DLG2: variants seen among roughly 807,000 people sequenced by gnomAD.
The protein encoded by DLG2 is discs large MAGUK scaffold protein 2.
A neutral mutation model predicts 132.5 loss-of-function variants in DLG2; 45 were observed. The observed-to-expected ratio is 0.34, with a 90% CI of 0.27 to 0.44. The LOEUF (loss-of-function observed/expected upper bound fraction) is 0.44. Ranked by LOEUF, DLG2 falls within the 20% of genes least tolerant of loss-of-function variation. DLG2 has a pLI of 1.00. For missense variants in DLG2, 1,045 were observed against 1,196.9 expected (o/e 0.87, Z 1.87); for synonymous variants, 424 against 419.6 (o/e 1.01, Z -0.13).
intron 26 of DLG2, 141 bp from the exon 27 acceptor site, chr11:83,462,234 CT>C: frequency 1.7e-6 from 1 of 599,890 alleles, no homozygotes; most frequent in South Asian, 2.1e-5. Context: ...CAGGACTCCT[CT>C]GTGCTGGAAT....
intron 9 of DLG2, among the ~76,000 whole-genome samples, chr11:84,105,304 G>C (rs1368156404): frequency 6.6e-6 from 1 of 152,104 alleles, no homozygotes; most frequent in Non-Finnish European, 1.5e-5. Context: ...ACATCTGCAT[G>C]GTATTGGATA....
At chr11:84,219,505 T>A (rs1457665161) in intron 8 of DLG2, among the ~76,000 whole-genome samples, 3 of 152,224 alleles carry the variant, frequency 2.0e-5, no homozygotes, top group Non-Finnish European at 4.4e-5. Flanking sequence ...TTTTTTAGAA[T>A]TAATATACTT....
chr11:84,275,075 T>C (rs2097771424), intron 7 of DLG2, among the ~76,000 whole-genome samples: 1 of 152,200 alleles, frequency 6.6e-6, no homozygotes, highest in South Asian at 2.1e-4. Flanking sequence ...ATCCCAGTCA[T>C]TCCTCTCTGA....
intron 6 of DLG2, among the ~76,000 whole-genome samples, chr11:84,567,689 G>C (rs986636879): frequency 6.6e-6 from 1 of 152,104 alleles, no homozygotes; most frequent in African/African-American, 2.4e-5. Flanking sequence ...CCAACAATTG[G>C]TATCACACAG....
At chr11:83,844,769 T>C (rs1378843095) in intron 16 of DLG2, among the ~76,000 whole-genome samples, 1 of 152,006 alleles carries the variant, frequency 6.6e-6, no homozygotes, top group Non-Finnish European at 1.5e-5. Context: ...CTAACATAAA[T>C]GTGCTGTCCT....
At chr11:84,519,684 A>G (rs2099288438) in intron 7 of DLG2, among the ~76,000 whole-genome samples, 2 of 152,056 alleles carry the variant, frequency 1.3e-5, no homozygotes, top group Non-Finnish European at 2.9e-5. Context: ...GCCTCCTCCT[A>G]TTTTTTCCAA....
At chr11:83,563,727 C>G (rs1481226052) in intron 19 of DLG2, among the ~76,000 whole-genome samples, 1 of 152,022 alleles carries the variant, frequency 6.6e-6, no homozygotes. Flanking sequence ...GAAATTAAAG[C>G]CTAGATAGGT....
At chr11:83,800,153 G>T (rs1023276076) in intron 17 of DLG2, among the ~76,000 whole-genome samples, 1 of 152,082 alleles carries the variant, frequency 6.6e-6, no homozygotes, top group Non-Finnish European at 1.5e-5. Flanking sequence ...AGGGTTGAAG[G>T]CACTGAAACA....
chr11:83,477,190 A>G (rs972483108), intron 22 of DLG2, among the ~76,000 whole-genome samples: 1 of 152,146 alleles, frequency 6.6e-6, no homozygotes, highest in Non-Finnish European at 1.5e-5. Flanking sequence ...AGAAGCTTGC[A>G]TAGTCCTCAA....
chr11:84,356,310 C>T (rs1341314219), intron 7 of DLG2, among the ~76,000 whole-genome samples: 1 of 152,056 alleles, frequency 6.6e-6, no homozygotes, highest in Non-Finnish European at 1.5e-5. Flanking sequence ...GAGTATCCAC[C>T]ATATGTGAGG....
At chr11:85,301,981 G>A (rs1292747013) in intron 3 of DLG2, among the ~76,000 whole-genome samples, 2 of 152,154 alleles carry the variant, frequency 1.3e-5, no homozygotes, top group South Asian at 2.1e-4. Context: ...TAGCCTGAGA[G>A]AATTAATACA....
chr11:84,126,090 C>A (rs1457598486), intron 9 of DLG2, among the ~76,000 whole-genome samples: 3 of 151,964 alleles, frequency 2.0e-5, no homozygotes, highest in Non-Finnish European at 4.4e-5. Flanking sequence ...ACATGGAGGT[C>A]ATTGGAAACC....
intron 3 of DLG2, among the ~76,000 whole-genome samples, chr11:85,502,193 T>G (rs1307003891): frequency 1.3e-5 from 2 of 151,838 alleles, no homozygotes; most frequent in African/African-American, 2.4e-5. Flanking sequence ...GCTCATGTTT[T>G]CATTCATAAG....
chr11:84,733,812 G>A (rs1004584607), intron 6 of DLG2, among the ~76,000 whole-genome samples: 1 of 152,132 alleles, frequency 6.6e-6, no homozygotes, highest in African/African-American at 2.4e-5. Flanking sequence ...ACTAATTTTT[G>A]TATAAGGTGT....
intron 15 of DLG2, among the ~76,000 whole-genome samples, chr11:83,895,483 A>G (rs2071392426): frequency 6.6e-6 from 1 of 152,152 alleles, no homozygotes; most frequent in Admixed American, 6.6e-5. Flanking sequence ...TTAACACAGT[A>G]GTGGAAACAT....
At chr11:85,548,596 C>T (rs896711839) in intron 3 of DLG2, among the ~76,000 whole-genome samples, 1 of 152,192 alleles carries the variant, frequency 6.6e-6, no homozygotes, top group Non-Finnish European at 1.5e-5. Flanking sequence ...CCCAACCGCC[C>T]CTTCCCCCAG....
chr11:85,223,716 T>G (rs1208939558), intron 4 of DLG2, among the ~76,000 whole-genome samples: 1 of 152,046 alleles, frequency 6.6e-6, no homozygotes, highest in African/African-American at 2.4e-5. Flanking sequence ...TACTAAAACA[T>G]CTGGACCACC....
At chr11:85,540,993 C>A (rs2075928325) in intron 3 of DLG2, among the ~76,000 whole-genome samples, 1 of 152,172 alleles carries the variant, frequency 6.6e-6, no homozygotes, top group Admixed American at 6.5e-5. Flanking sequence ...CTCTTTTGTT[C>A]CCTGGAACAC....
intron 6 of DLG2, among the ~76,000 whole-genome samples, chr11:85,034,698 C>G (rs1441733135): frequency 6.6e-6 from 1 of 152,150 alleles, no homozygotes; most frequent in Non-Finnish European, 1.5e-5. Context: ...TCCTCACATT[C>G]TGTACCCTAT....
Sources: allele counts gnomAD v4.1 joint callset (sites outside exome capture counted in the v4.1 genomes callset), GRCh38; gene constraint gnomAD v4.1.1; transcripts MANE v1.5; gene names NCBI Gene and HGNC (gene_info 2026-07-23, HGNC 2026-07-21).